Variants in RCAN2 observed in about 807,000 individuals in gnomAD.
RCAN2 encodes regulator of calcineurin 2, also known as calcipressin-2.
In RCAN2, 9 loss-of-function variants were observed where a neutral mutation model predicts 23.6. That is an observed-to-expected ratio of 0.38 (90% CI 0.23 to 0.67). RCAN2 has a LOEUF of 0.67. Among genes scored for constraint, RCAN2 ranks in the 30% least tolerant of loss-of-function variants. The probability of loss-of-function intolerance (pLI) is 0.51; values close to 1 mark genes in which losing one functional copy is unlikely to be tolerated. For synonymous variants in RCAN2, 109 were observed against 115.7 expected (o/e 0.94, Z 0.37); for missense variants, 273 against 302.3 (o/e 0.90, Z 0.72).
At chr6:46,461,401 G>T (rs538047319) in intron 1 of RCAN2, among the ~76,000 whole-genome samples, 1 of 151,964 alleles carries the variant, frequency 6.6e-6, no homozygotes, top group Admixed American at 6.5e-5. Flanking sequence ...TTATGCATGT[G>T]GAAAAGAAAA....
intron 4 of RCAN2, among the ~76,000 whole-genome samples, chr6:46,235,336 C>G (rs1766053879): frequency 6.6e-6 from 1 of 152,064 alleles, no homozygotes; most frequent in Admixed American, 6.6e-5. Context: ...AGATAGAATC[C>G]CAGAACTAGA....
chr6:46,238,469 G>A (rs1766185891), intron 4 of RCAN2, among the ~76,000 whole-genome samples: 1 of 152,170 alleles, frequency 6.6e-6, no homozygotes, highest in Non-Finnish European at 1.5e-5. Flanking sequence ...TAAATGTACT[G>A]CAATGTGTAG....
chr6:46,374,080 G>A (rs1268256150), intron 2 of RCAN2, among the ~76,000 whole-genome samples: 1 of 152,174 alleles, frequency 6.6e-6, no homozygotes, highest in East Asian at 1.9e-4. Flanking sequence ...ACTCCGTGAG[G>A]GTAGGGACAA....
chr6:46,319,731 T>A (rs1763548922), intron 2 of RCAN2, among the ~76,000 whole-genome samples: 1 of 152,214 alleles, frequency 6.6e-6, no homozygotes, highest in Admixed American at 6.5e-5. Context: ...TAAAGAATTG[T>A]TTTAGAGATC....
At chr6:46,277,218 A>G (rs1195841225) in intron 2 of RCAN2, among the ~76,000 whole-genome samples, 2 of 152,236 alleles carry the variant, frequency 1.3e-5, no homozygotes, top group African/African-American at 2.4e-5. Flanking sequence ...TCTCTGTTCT[A>G]TCACAAATGG....
At chr6:46,241,141 C>T (rs1333313428) in intron 4 of RCAN2, among the ~76,000 whole-genome samples, 1 of 152,184 alleles carries the variant, frequency 6.6e-6, no homozygotes, top group African/African-American at 2.4e-5. Flanking sequence ...TAGTTAGTGC[C>T]ACGTGCGTCT....
At chr6:46,437,788 T>C (rs1767416619) in intron 2 of RCAN2, among the ~76,000 whole-genome samples, 1 of 152,184 alleles carries the variant, frequency 6.6e-6, no homozygotes. Flanking sequence ...ACAGGGGCTA[T>C]TCTTAGAACA....
intron 4 of RCAN2, among the ~76,000 whole-genome samples, chr6:46,229,796 TC>T (rs1562093164): frequency 1.3e-5 from 2 of 152,202 alleles, no homozygotes; most frequent in African/African-American, 4.8e-5. Flanking sequence ...TCATTCTCCA[TC>T]CAGCTTTGTT....
intron 2 of RCAN2, among the ~76,000 whole-genome samples, chr6:46,266,008 C>A (rs1328307818): frequency 6.6e-6 from 1 of 152,168 alleles, no homozygotes; most frequent in Non-Finnish European, 1.5e-5. Context: ...TATAGTCCAA[C>A]TTATGGATAA....
At chr6:46,258,790 A>G (rs901281994) in intron 2 of RCAN2, among the ~76,000 whole-genome samples, 3 of 152,160 alleles carry the variant, frequency 2.0e-5, no homozygotes, top group African/African-American at 4.8e-5. Context: ...CATTTCTCTG[A>G]TTCTTCTTAG....
At chr6:46,231,699 C>T (rs1020400297) in intron 4 of RCAN2, among the ~76,000 whole-genome samples, 1 of 152,136 alleles carries the variant, frequency 6.6e-6, no homozygotes, top group African/African-American at 2.4e-5. Flanking sequence ...TGTGAGCCAC[C>T]ACGCCCGGAG....
At chr6:46,330,405 T>C (rs373763572) in intron 2 of RCAN2, among the ~76,000 whole-genome samples, 1 of 152,228 alleles carries the variant, frequency 6.6e-6, no homozygotes, top group East Asian at 1.9e-4. Context: ...CACTCCAGAT[T>C]ATTTTGCAGC....
At chr6:46,273,994 TGAG>T (rs1212411971) in intron 2 of RCAN2, among the ~76,000 whole-genome samples, 1 of 152,136 alleles carries the variant, frequency 6.6e-6, no homozygotes, top group East Asian at 1.9e-4. Context: ...AGAAAGATGA[TGAG>T]GAGTCAGCTG....
chr6:46,341,404 A>G lies in RCAN2; in HGVS notation c.226-92508T>C, dbSNP rs552540707. Among the ~76,000 whole-genome samples the G allele has an allele frequency of 6.3e-4, 34 of 53,918 alleles. No homozygotes were observed. In the South Asian group the frequency reaches 0.02, roughly 32 times the overall value. 35.4% of individuals were successfully genotyped at this position (53,918 alleles called of 152,430 possible). A position where few individuals can be genotyped will look rare whatever the true frequency, so the allele number is the denominator to read the frequency against. ...ACTAATGATAGCTGATGAACTAAAAAATAAAAATCATAAAAAAATCATGTT... is the reference window on the plus strand; with the variant it reads ...ACTAATGATAGCTGATGAACTAAAAGATAAAAATCATAAAAAAATCATGTT... On this transcript the variant is annotated intron_variant, in intron 2 of 4. Transcript: ENST00000371374.
At chr6:46,321,579 C>A (rs1031099676) in intron 2 of RCAN2, among the ~76,000 whole-genome samples, 1 of 152,214 alleles carries the variant, frequency 6.6e-6, no homozygotes, top group Non-Finnish European at 1.5e-5. Context: ...GTACATGAAT[C>A]AGAAGCCCTC....
intron 2 of RCAN2, among the ~76,000 whole-genome samples, chr6:46,329,023 C>T (rs191729237): frequency 2.7e-4 from 41 of 152,188 alleles, no homozygotes; most frequent in Admixed American, 7.9e-4. Context: ...TTGGATTATT[C>T]TCCCACTTCA....
At chr6:46,387,006 A>T (rs1765775104) in intron 2 of RCAN2, among the ~76,000 whole-genome samples, 1 of 152,246 alleles carries the variant, frequency 6.6e-6, no homozygotes, top group African/African-American at 2.4e-5. Context: ...TGTGGAAAGG[A>T]TTCCCTATTT....
At chr6:46,433,124 T>G (rs2150418119) in intron 2 of RCAN2, among the ~76,000 whole-genome samples, 1 of 152,266 alleles carries the variant, frequency 6.6e-6, no homozygotes, top group Admixed American at 6.5e-5. Flanking sequence ...GAATATAATA[T>G]CAAATTTTAG....
intron 2 of RCAN2, among the ~76,000 whole-genome samples, chr6:46,303,533 T>A (rs532528405): frequency 6.6e-6 from 1 of 152,190 alleles, no homozygotes; most frequent in South Asian, 2.1e-4. Context: ...TTTTATGTTC[T>A]CAATCTTGTC....
Sources: allele counts gnomAD v4.1 joint callset (sites outside exome capture counted in the v4.1 genomes callset), GRCh38; gene constraint gnomAD v4.1.1; transcripts MANE v1.5; gene names NCBI Gene and HGNC (gene_info 2026-07-23, HGNC 2026-07-21).